NCOA3: variants seen among roughly 807,000 people sequenced by gnomAD.
NCOA3 encodes nuclear receptor coactivator 3.
Under a neutral mutation model 158.8 loss-of-function variants are expected in NCOA3, and 51 were observed. The ratio of observed to expected loss-of-function variants is 0.32; its 90% CI spans 0.26 to 0.41. NCOA3 has a LOEUF of 0.41. Among genes scored for constraint, NCOA3 ranks in the 10% least tolerant of loss-of-function variants. NCOA3 has a pLI of 1.00. For missense variants in NCOA3, 1,510 were observed against 1,746.6 expected (o/e 0.86, Z 2.41); for synonymous variants, 537 against 592.4 (o/e 0.91, Z 1.36).
chr20:47,646,076 G>T (rs1026173624), intron 17 of NCOA3, among the ~76,000 whole-genome samples: 1 of 152,110 alleles, frequency 6.6e-6, no homozygotes, highest in Non-Finnish European at 1.5e-5. Context: ...GACCCCTGTG[G>T]ATACCAAAAT....
chr20:47,606,105 A>G (rs2085942673), intron 2 of NCOA3, among the ~76,000 whole-genome samples: 5 of 152,134 alleles, frequency 3.3e-5, no homozygotes, highest in Admixed American at 2.6e-4. Context: ...TAGCCTCCCA[A>G]AGTATTGGGA....
intron 1 of NCOA3, among the ~76,000 whole-genome samples, chr20:47,503,549 C>T (rs1237093498): frequency 6.6e-6 from 1 of 152,122 alleles, no homozygotes; most frequent in Non-Finnish European, 1.5e-5. Context: ...CATTTGAAAC[C>T]ACTTCTGTTG....
chr20:47,522,021 C>T (rs1056520353), intron 1 of NCOA3, among the ~76,000 whole-genome samples: 1 of 150,950 alleles, frequency 6.6e-6, no homozygotes, highest in Non-Finnish European at 1.5e-5. Flanking sequence ...CTTCCATGAA[C>T]ACATTGTATA....
intron 2 of NCOA3, among the ~76,000 whole-genome samples, chr20:47,590,863 A>G (rs2085622163): frequency 6.6e-6 from 1 of 152,268 alleles, no homozygotes; most frequent in Middle Eastern, 3.4e-3. Flanking sequence ...TAGTCCCAGC[A>G]CTTTGGGAGG....
intron 1 of NCOA3, among the ~76,000 whole-genome samples, chr20:47,582,821 A>C (rs1054306905): frequency 2.0e-5 from 3 of 151,970 alleles, no homozygotes; most frequent in African/African-American, 7.2e-5. Flanking sequence ...TTGAGAGAGA[A>C]TCTCGCTCTG....
In NCOA3 at chr20:47,522,912, C is replaced by G. The variant is rs1167515529; in HGVS notation, c.-99+20893C>G. 2.0e-5 allele frequency among the ~76,000 whole-genome samples: 3 copies of G among 149,672 alleles called. No homozygotes were observed. The East Asian group carries it at 5.9e-4, about 29-fold the overall frequency. On this transcript the variant is annotated intron_variant, in intron 1 of 22. Coordinates refer to ENST00000371998, the MANE Select transcript of NCOA3 (RefSeq NM_181659.3). ...TGCTTTAAAAAAAAAAAAAACGAGC[C>G]CGGCGCGGTGGCTCACCCCTGTAAT...
At chr20:47,626,049 A>T (rs890738489) in intron 5 of NCOA3, among the ~76,000 whole-genome samples, 7 of 152,170 alleles carry the variant, frequency 4.6e-5, no homozygotes, top group African/African-American at 1.7e-4. Context: ...CTTGGAACCA[A>T]CCTTACACAG....
chr20:47,540,341 A>T (rs1371537994), intron 1 of NCOA3, among the ~76,000 whole-genome samples: 1 of 152,124 alleles, frequency 6.6e-6, no homozygotes, highest in Non-Finnish European at 1.5e-5. Flanking sequence ...TGGGAGGCCG[A>T]TGAGGGTGGA....
At chr20:47,573,317 C>T (rs1447358720) in intron 1 of NCOA3, among the ~76,000 whole-genome samples, 1 of 152,058 alleles carries the variant, frequency 6.6e-6, no homozygotes, top group Non-Finnish European at 1.5e-5. Context: ...TGCTTGAACC[C>T]GGGAGGCGGA....
At chr20:47,582,664 G>A (rs2085471517) in intron 1 of NCOA3, among the ~76,000 whole-genome samples, 1 of 152,120 alleles carries the variant, frequency 6.6e-6, no homozygotes, top group African/African-American at 2.4e-5. Flanking sequence ...ACTGCGCCTG[G>A]CCCTATGCTT....
chr20:47,598,048 A>G (rs2085791755), intron 2 of NCOA3, among the ~76,000 whole-genome samples: 1 of 151,210 alleles, frequency 6.6e-6, no homozygotes, highest in Non-Finnish European at 1.5e-5. Context: ...GATTGAGACC[A>G]TCCTGGCTAA....
At chr20:47,536,381 C>T (rs1000888726) in intron 1 of NCOA3, among the ~76,000 whole-genome samples, 16 of 152,312 alleles carry the variant, frequency 1.1e-4, no homozygotes, top group East Asian at 3.9e-4. Flanking sequence ...CTGGCATGAG[C>T]CCCCTATCCG....
At position 47,624,070 on chromosome 20, in the gene NCOA3, A is replaced by C. The variant is rs2086284035; in HGVS notation, c.243A>C (p.Gln81His). The C allele has an allele frequency of 6.2e-7, 1 of 1,604,704 alleles. No homozygotes were observed. The highest frequency in any genetic ancestry group is 8.5e-7 in the Non-Finnish European group (1 of 1,176,678). ...AGGAAACAGTAAGACAGATACGTCA[A>C]ATAAAAGAGCAAGGTAATAAAAACA... ...ILKETVRQIR[Q>H]IKEQGKTISN... is the part of the protein sequence containing the mutation. Residue 81 changes from glutamine (Q) to histidine (H), a missense_variant, in exon 4 of 23, where the codon CAA becomes CAC. Gln to His is a conservative substitution (Grantham distance 24). Coordinates refer to ENST00000371998, the MANE Select transcript of NCOA3 (RefSeq NM_181659.3).
chr20:47,640,099 T>C, intron 16 of NCOA3, 48 bp downstream of exon 16: 2 of 1,611,684 alleles, frequency 1.2e-6, no homozygotes, highest in Non-Finnish European at 1.7e-6. Context: ...CATTGGGTAG[T>C]TTAGAAAAGA....
intron 1 of NCOA3, among the ~76,000 whole-genome samples, chr20:47,580,503 C>T (rs1008423759): frequency 1.3e-5 from 2 of 152,074 alleles, no homozygotes; most frequent in Non-Finnish European, 2.9e-5. Context: ...TTGCAATGAG[C>T]CGAGATCATG....
rs72646203 is a variant in NCOA3 at position 47,652,367 on chromosome 20, A to C, written c.3947-39A>C. 10,344 of 1,557,872 alleles carry C rather than the reference A, an allele frequency of 6.6e-3. 51 individuals carry two copies. The highest frequency in any genetic ancestry group is 8.3e-3 in the Non-Finnish European group (9,443 of 1,136,330). On this transcript the variant is annotated intron_variant, in intron 20 of 22. Transcript: ENST00000371998. Reference sequence around the variant, plus strand: ...AAATCTGATATTCTAAGGAGAAGGCATTTGGGCATTTTTATTTCTTCTGTT... The same window carrying C: ...AAATCTGATATTCTAAGGAGAAGGCCTTTGGGCATTTTTATTTCTTCTGTT...
At chr20:47,651,375 A>G in intron 20 of NCOA3, 99 bp downstream of exon 20, 1 of 1,497,520 alleles carries the variant, frequency 6.7e-7, no homozygotes. Context: ...AACACGATTC[A>G]CTCCCTCTTT....
chr20:47,596,211 T>G (rs2085753565), intron 2 of NCOA3, among the ~76,000 whole-genome samples: 1 of 152,206 alleles, frequency 6.6e-6, no homozygotes, highest in Admixed American at 6.5e-5. Flanking sequence ...TTAAAAAACT[T>G]TGAAAAAGTC....
chr20:47,549,390 G>A (rs1602386330), intron 1 of NCOA3, among the ~76,000 whole-genome samples: 1 of 151,330 alleles, frequency 6.6e-6, no homozygotes, highest in South Asian at 2.1e-4. Context: ...AGCTGGGCAT[G>A]ATGTGGTTAA....
Sources: allele counts gnomAD v4.1 joint callset (sites outside exome capture counted in the v4.1 genomes callset), GRCh38; gene constraint gnomAD v4.1.1; transcripts MANE v1.5; gene names NCBI Gene and HGNC (gene_info 2026-07-23, HGNC 2026-07-21).